PTPRG: variants seen among roughly 807,000 people sequenced by gnomAD.
PTPRG encodes the protein protein tyrosine phosphatase receptor type G, also known as receptor-type tyrosine-protein phosphatase gamma.
Under a neutral mutation model 165.3 loss-of-function variants are expected in PTPRG, and 102 were observed. The ratio of observed to expected loss-of-function variants is 0.62; its 90% CI spans 0.53 to 0.73. The LOEUF (loss-of-function observed/expected upper bound fraction) is 0.73, where lower values mean the gene tolerates loss of function less well. Ranked by LOEUF, PTPRG falls within the 30% of genes least tolerant of loss-of-function variation. The probability of loss-of-function intolerance (pLI) is 0.00; values close to 1 mark genes in which losing one functional copy is unlikely to be tolerated. For missense variants in PTPRG, 1,866 were observed against 1,861.4 expected (o/e 1.00, Z -0.05); for synonymous variants, 675 against 669.5 (o/e 1.01, Z -0.13).
At chr3:62,239,465 G>A (rs1701109471) in intron 14 of PTPRG, among the ~76,000 whole-genome samples, 1 of 150,376 alleles carries the variant, frequency 6.6e-6, no homozygotes, top group African/African-American at 2.5e-5. Context: ...AGGTTCCCAG[G>A]TTCCAACGTT....
intron 4 of PTPRG, among the ~76,000 whole-genome samples, chr3:62,023,037 T>C (rs899676317): frequency 1.3e-5 from 2 of 152,096 alleles, no homozygotes; most frequent in Admixed American, 6.5e-5. Flanking sequence ...CACCAATTAA[T>C]TAAATTTGAC....
chr3:62,226,703 A>G (rs1700770488), intron 13 of PTPRG, among the ~76,000 whole-genome samples: 1 of 152,194 alleles, frequency 6.6e-6, no homozygotes, highest in African/African-American at 2.4e-5. Flanking sequence ...GAATTGTAAC[A>G]TCTGACCCAG....
intron 1 of PTPRG, among the ~76,000 whole-genome samples, chr3:61,594,949 A>AT (rs146951544): frequency 0.022 from 3,278 of 151,066 alleles, 130 homozygotes; most frequent in African/African-American, 0.075. Context: ...TAGTGCACTG[A>AT]TTTTTTTTTT....
intron 4 of PTPRG, among the ~76,000 whole-genome samples, chr3:62,050,399 C>T (rs1379984033): frequency 6.6e-6 from 1 of 152,160 alleles, no homozygotes; most frequent in Non-Finnish European, 1.5e-5. Flanking sequence ...TACCACATAG[C>T]CAAGGTGTAT....
intron 2 of PTPRG, among the ~76,000 whole-genome samples, chr3:61,819,799 A>C (rs1448737506): frequency 6.6e-6 from 1 of 152,240 alleles, no homozygotes; most frequent in Non-Finnish European, 1.5e-5. Context: ...AATGGAGATA[A>C]AAGGGGAACC....
At chr3:61,593,415 AAC>A (rs566864520) in intron 1 of PTPRG, among the ~76,000 whole-genome samples, 21,150 of 137,848 alleles carry the variant, frequency 0.15, 1,999 homozygotes, top group African/African-American at 0.28. Context: ...AAAAAAAAAA[AAC>A]CAACCACAAA....
At chr3:61,812,542 G>T (rs913635242) in intron 2 of PTPRG, among the ~76,000 whole-genome samples, 1 of 152,140 alleles carries the variant, frequency 6.6e-6, no homozygotes, top group Non-Finnish European at 1.5e-5. Context: ...TGTAATAGAG[G>T]TTGAAGATTA....
At chr3:61,676,557 C>T (rs1370381608) in intron 1 of PTPRG, among the ~76,000 whole-genome samples, 1 of 149,968 alleles carries the variant, frequency 6.7e-6, no homozygotes, top group Admixed American at 6.6e-5. Context: ...TTCACACACA[C>T]ACAAACACAC....
chr3:61,610,753 CCCTCCCTCCCTCCCTCCCTA>C (rs1559523101), intron 1 of PTPRG, among the ~76,000 whole-genome samples: 2 of 119,366 alleles, frequency 1.7e-5, no homozygotes, highest in African/African-American at 3.1e-5. Flanking sequence ...CTCCCTGCCT[CCCTCCCTCCCTCCCTCCCTA>C]CCTCCCTCCC....
chr3:62,289,695 T>C (rs922144001), intron 28 of PTPRG, among the ~76,000 whole-genome samples: 1 of 112,718 alleles, frequency 8.9e-6, no homozygotes, highest in African/African-American at 2.9e-5. Context: ...CACCCATTCA[T>C]GATCCCCCCC....
intron 2 of PTPRG, among the ~76,000 whole-genome samples, chr3:61,956,283 C>G (rs2040027526): frequency 9.7e-6 from 1 of 103,530 alleles, no homozygotes; most frequent in African/African-American, 3.7e-5. Flanking sequence ...CTGTCTCTCT[C>G]TCTCTCTCTC....
chr3:61,862,544 C>A (rs1482034819), intron 2 of PTPRG, among the ~76,000 whole-genome samples: 1 of 151,974 alleles, frequency 6.6e-6, no homozygotes, highest in Non-Finnish European at 1.5e-5. Flanking sequence ...TGCACCACCA[C>A]GCCCAGCACG....
intron 2 of PTPRG, among the ~76,000 whole-genome samples, chr3:61,956,634 A>G (rs2040038278): frequency 6.6e-6 from 1 of 152,224 alleles, no homozygotes; most frequent in African/African-American, 2.4e-5. Context: ...ACAGAAGGGA[A>G]ATAAGGAAAA....
chr3:62,274,717 G>A (rs1252812283), intron 23 of PTPRG, among the ~76,000 whole-genome samples: 1 of 151,956 alleles, frequency 6.6e-6, no homozygotes, highest in Non-Finnish European at 1.5e-5. Context: ...GATATGAAAT[G>A]AAAAATAGTT....
intron 2 of PTPRG, among the ~76,000 whole-genome samples, chr3:61,966,254 G>T (rs762985189): frequency 2.5e-4 from 38 of 152,184 alleles, no homozygotes; most frequent in Admixed American, 6.5e-4. Context: ...CGCCAGTGGA[G>T]TATTATAAGT....
chr3:62,039,085 C>A (rs977529265), intron 4 of PTPRG, among the ~76,000 whole-genome samples: 2 of 152,112 alleles, frequency 1.3e-5, no homozygotes, highest in African/African-American at 4.8e-5. Flanking sequence ...CAGGCACATG[C>A]CACCATGCCT....
rs1576240856 is a variant in PTPRG, at chr3:62,296,806, T to C, written c.*3499T>C. On this transcript the variant is annotated 3_prime_UTR_variant, in exon 30 of 30. Coordinates refer to ENST00000474889, the MANE Select transcript of PTPRG (RefSeq NM_002841.4). Reference sequence around the variant, plus strand: ...TAATAATGATATTTGGCCTCTACTTTGTCTTAGCTGTTAAACTGTTTTTAG... The same window carrying C: ...TAATAATGATATTTGGCCTCTACTTCGTCTTAGCTGTTAAACTGTTTTTAG... 6.6e-6 allele frequency: 1 copy of C among 152,138 alleles called. No individual in the cohort carries two copies. The highest frequency in any genetic ancestry group is 1.5e-5 in the Non-Finnish European group (1 of 67,978). 9.4% of individuals were successfully genotyped at this position (152,138 alleles called of 1,614,324 possible).
chr3:61,724,201 GTGAGACT>G (rs2032162971), intron 1 of PTPRG, among the ~76,000 whole-genome samples: 6 of 121,830 alleles, frequency 4.9e-5, no homozygotes, highest in African/African-American at 2.0e-4. Context: ...GGGTGACAGA[GTGAGACT>G]CCCATCTCCA....
intron 1 of PTPRG, among the ~76,000 whole-genome samples, chr3:61,597,845 A>G (rs1309507648): frequency 2.0e-5 from 3 of 152,224 alleles, no homozygotes; most frequent in Non-Finnish European, 4.4e-5. Flanking sequence ...CATTTTACTA[A>G]TAAGAAATTT....
Sources: allele counts gnomAD v4.1 joint callset (sites outside exome capture counted in the v4.1 genomes callset), GRCh38; gene constraint gnomAD v4.1.1; transcripts MANE v1.5; gene names NCBI Gene and HGNC (gene_info 2026-07-23, HGNC 2026-07-21).